The following DLGAP4 variants were observed in gnomAD, a reference collection of about 807,000 sequenced individuals.
The protein encoded by DLGAP4 is disks large-associated protein 4.
A neutral mutation model predicts 86.9 loss-of-function variants in DLGAP4; 18 were observed. The observed-to-expected ratio is 0.21, with a 90% CI of 0.14 to 0.31. The LOEUF is 0.31. DLGAP4 is among the 10% of genes least tolerant of loss of function. DLGAP4 has a pLI of 1.00. For missense variants in DLGAP4, 1,085 were observed against 1,362.6 expected (o/e 0.80, Z 3.21); for synonymous variants, 548 against 574.3 (o/e 0.95, Z 0.65).
intron 7 of DLGAP4, among the ~76,000 whole-genome samples, chr20:36,467,069 C>A (rs1050026114): frequency 4.6e-5 from 6 of 129,272 alleles, no homozygotes; most frequent in Non-Finnish European, 9.3e-5. Context: ...TCTCTCCCCC[C>A]CCCTTCTCTC....
At chr20:36,488,058 G>T (rs1347980742) in intron 7 of DLGAP4, among the ~76,000 whole-genome samples, 2 of 151,940 alleles carry the variant, frequency 1.3e-5, no homozygotes, top group African/African-American at 2.4e-5. Flanking sequence ...AAATTAGCCG[G>T]GCATGGTGGC....
intron 7 of DLGAP4, among the ~76,000 whole-genome samples, chr20:36,485,351 CAA>C (rs548217372): frequency 6.3e-4 from 48 of 75,716 alleles, no homozygotes; most frequent in East Asian, 1.2e-3. Flanking sequence ...GACCCTGTCC[CAA>C]AAAAAAAAAA....
chr20:36,503,957 T>C (rs2036255758), intron 10 of DLGAP4, among the ~76,000 whole-genome samples: 1 of 152,234 alleles, frequency 6.6e-6, no homozygotes. Flanking sequence ...TTTGGGTTGT[T>C]TGTACTTTTT....
chr20:36,417,887 C>T (rs1292862414), intron 2 of DLGAP4, among the ~76,000 whole-genome samples: 3 of 152,158 alleles, frequency 2.0e-5, no homozygotes, highest in East Asian at 1.9e-4. Context: ...CAAGTTCAAG[C>T]GATTCTCCTG....
Position 36,395,709 on chromosome 20 carries a change from G to A in DLGAP4, c.-73+28434G>A, listed in dbSNP as rs191988151. Among the ~76,000 whole-genome samples the A allele has an allele frequency of 3.0e-3, 464 of 152,158 alleles. 2 individuals are homozygous for A. Among genetic ancestry groups the A allele is most frequent in the African/African-American group, 0.011 (450 of 41,490 alleles). ...AGACAGGATTTCACCATGTTGACCC[G>A]GCTGGTCTCAAACTCCTGACCTCAG... On this transcript the variant is annotated intron_variant, in intron 2 of 12. Coordinates refer to ENST00000339266, the MANE Select transcript of DLGAP4 (RefSeq NM_001365621.2).
At chr20:36,489,351 C>A (rs1222147311) in intron 7 of DLGAP4, among the ~76,000 whole-genome samples, 1 of 152,210 alleles carries the variant, frequency 6.6e-6, no homozygotes, top group Non-Finnish European at 1.5e-5. Flanking sequence ...CAGCTGTTAG[C>A]ATCAGAATCA....
chr20:36,427,407 G>T (rs1431345480), intron 2 of DLGAP4, among the ~76,000 whole-genome samples: 1 of 152,008 alleles, frequency 6.6e-6, no homozygotes, highest in Non-Finnish European at 1.5e-5. Flanking sequence ...GAACCTGGGA[G>T]GCAGAGGTTG....
chr20:36,390,643 G>A (rs1490923336), intron 2 of DLGAP4, among the ~76,000 whole-genome samples: 1 of 152,140 alleles, frequency 6.6e-6, no homozygotes, highest in Non-Finnish European at 1.5e-5. Context: ...CTCCAGGAGA[G>A]AGCAGGGTCC....
chr20:36,517,630 G>C (rs1412101667), intron 10 of DLGAP4, among the ~76,000 whole-genome samples: 1 of 151,790 alleles, frequency 6.6e-6, no homozygotes, highest in East Asian at 1.9e-4. Context: ...TAATTTGTTG[G>C]TGGTTGGGAG....
At chr20:36,401,982 G>C (rs75077988) in intron 2 of DLGAP4, among the ~76,000 whole-genome samples, 3 of 152,220 alleles carry the variant, frequency 2.0e-5, no homozygotes, top group African/African-American at 7.2e-5. Context: ...GACTAGGAGC[G>C]GGGTGTGAGA....
intron 2 of DLGAP4, among the ~76,000 whole-genome samples, chr20:36,403,081 C>A (rs1029975922): frequency 6.6e-6 from 1 of 152,280 alleles, no homozygotes; most frequent in South Asian, 2.1e-4. Flanking sequence ...ACAGCCAGAG[C>A]GGATATGTCT....
At chr20:36,456,519 C>T (rs1373992539) in intron 7 of DLGAP4, among the ~76,000 whole-genome samples, 2 of 152,150 alleles carry the variant, frequency 1.3e-5, no homozygotes, top group Admixed American at 6.5e-5. Flanking sequence ...AATGGGAGGA[C>T]CCAGGAGGCC....
At chr20:36,310,180 A>AAAAGAAAG (rs1161085107) in intron 1 of DLGAP4, among the ~76,000 whole-genome samples, 20 of 124,176 alleles carry the variant, frequency 1.6e-4, no homozygotes, top group African/African-American at 6.6e-4. Context: ...CAAAAAAAAA[A>AAAAGAAAG]AAAGAAAGAA....
intron 7 of DLGAP4, among the ~76,000 whole-genome samples, chr20:36,457,659 G>A (rs1012965284): frequency 1.3e-5 from 2 of 151,720 alleles, no homozygotes; most frequent in African/African-American, 4.8e-5. Flanking sequence ...GGGATTACAG[G>A]CATGAGCCAC....
At chr20:36,403,610 T>C (rs2032227143) in intron 2 of DLGAP4, among the ~76,000 whole-genome samples, 1 of 152,258 alleles carries the variant, frequency 6.6e-6, no homozygotes, top group African/African-American at 2.4e-5. Flanking sequence ...TTTCTGGAAG[T>C]ATACAAGCAA....
At chr20:36,396,176 A>G (rs1318992714) in intron 2 of DLGAP4, among the ~76,000 whole-genome samples, 1 of 151,972 alleles carries the variant, frequency 6.6e-6, no homozygotes, top group Non-Finnish European at 1.5e-5. Context: ...ACATCCTCCT[A>G]CTGGGTGACC....
chr20:36,461,748 T>TCCGTCCGCCCGCCCGC (rs1474275856), intron 7 of DLGAP4: 225 of 853,286 alleles, frequency 2.6e-4, no homozygotes, highest in Admixed American at 3.6e-4. Flanking sequence ...CGTCCGTCCG[T>TCCGTCCGCCCGCCCGC]CCGCCCGCCC....
intron 2 of DLGAP4, among the ~76,000 whole-genome samples, chr20:36,403,663 G>C (rs1332901070): frequency 6.6e-6 from 1 of 152,216 alleles, no homozygotes; most frequent in African/African-American, 2.4e-5. Context: ...CTTATCTATT[G>C]CTGCAAAACA....
chr20:36,336,756 G>A (rs1555892143), intron 1 of DLGAP4, among the ~76,000 whole-genome samples: 4 of 152,112 alleles, frequency 2.6e-5, no homozygotes. Flanking sequence ...GGTTTCCTTG[G>A]CTGCCTTGAT....
Sources: gnomAD v4.1 joint callset for allele counts (sites outside exome capture counted in the v4.1 genomes callset) on GRCh38, gnomAD v4.1.1 for gene constraint, MANE v1.5 for transcripts, NCBI Gene and HGNC (gene_info 2026-07-23, HGNC 2026-07-21) for gene names.